XKR7: variants seen among roughly 807,000 people sequenced by gnomAD.
XKR7 encodes the protein XK related 7.
XKR7 carries 11 observed loss-of-function variants against 42.2 expected under a neutral mutation model. The ratio of observed to expected loss-of-function variants is 0.26; its 90% CI spans 0.16 to 0.43. The LOEUF is 0.43. Ranked by LOEUF, XKR7 falls within the 20% of genes least tolerant of loss-of-function variation. The pLI is 1.00. For synonymous variants in XKR7, 346 were observed against 366.4 expected (o/e 0.94, Z 0.64); for missense variants, 710 against 802.2 (o/e 0.89, Z 1.39).
intron 1 of XKR7, among the ~76,000 whole-genome samples, chr20:31,974,135 G>A (rs1418708471): frequency 1.3e-5 from 2 of 152,150 alleles, no homozygotes; most frequent in Admixed American, 6.5e-5. Flanking sequence ...GGAGGTTGCA[G>A]TGAGCCGAGA....
At position 31,968,279 on chromosome 20, in the gene XKR7, C is replaced by A. The variant is rs6061066; in HGVS notation, c.104C>A (p.Ala35Glu). 6 of 1,177,760 alleles carry A rather than the reference C, an allele frequency of 5.1e-6. No homozygotes were observed. Among genetic ancestry groups the A allele is most frequent in the African/African-American group, 3.2e-5 (2 of 62,190 alleles). 73.0% of individuals were successfully genotyped at this position (1,177,760 alleles called of 1,614,324 possible). Residue 35 changes from alanine (A) to glutamate (E), a missense_variant, in exon 1 of 3, where the codon GCG becomes GAG. Around this residue, in one of 2 missense-constraint regions of XKR7, gnomAD observed 708 missense variants for 786.2 expected, o/e 0.90. Coordinates refer to ENST00000562532, the MANE Select transcript of XKR7 (RefSeq NM_001011718.2). The surrounding 1 kb of genome is among the most constrained non-coding windows in gnomAD (Gnocchi z 4.5). Reference sequence around the variant, plus strand: ...GCCGGCGGGCGCGGGGAGGCGGCGGCGGCGGCCGGGCCCCCGGGGGTCGTC... The same window carrying A: ...GCCGGCGGGCGCGGGGAGGCGGCGGAGGCGGCCGGGCCCCCGGGGGTCGTC... Reference protein sequence around the residue: ...GSAGGRGEAAAAAGPPGVVGA... With the variant: ...GSAGGRGEAAEAAGPPGVVGA...
In XKR7 at chr20:31,997,074, T is replaced by C; in HGVS notation, c.1357T>C (p.Cys453Arg). ...CATGCTGGGTCCCCAGGCACCTGGT[T>C]GCATCTTCCGTAAGGCCTCAGAGCC... is the stretch of plus-strand genomic sequence containing the variant. The part of the protein sequence containing the change: ...GPMLGPQAPG[C>R]IFRKASEPCG... Residue 453 changes from cysteine (C) to arginine (R), a missense_variant, in exon 3 of 3, where the codon TGC becomes CGC. By Grantham distance (180) the Cys-to-Arg change is radical. Coordinates refer to ENST00000562532, the MANE Select transcript of XKR7 (RefSeq NM_001011718.2). 5.0e-6 allele frequency: 8 copies of C among 1,613,792 alleles called. No homozygotes were observed. The highest frequency in any genetic ancestry group is 6.8e-6 in the Non-Finnish European group (8 of 1,180,042).
chr20:31,989,300 G>A (rs1402302336), intron 1 of XKR7, among the ~76,000 whole-genome samples: 5 of 151,654 alleles, frequency 3.3e-5, no homozygotes, highest in African/African-American at 1.2e-4. Context: ...CATCTGGAGT[G>A]TCAGGAACAA....
At position 32,002,692 on chromosome 20, in the gene XKR7, C is replaced by G. The variant is rs749695138; in HGVS notation, c.*5235C>G. The stretch of plus-strand genomic sequence containing the variant: ...AATTCATTTTCCCATATTAAATTAA[C>G]TCAAGCTGAGCTTCTGATTGCAGAT... On this transcript the variant is annotated 3_prime_UTR_variant, in exon 3 of 3. Transcript: ENST00000562532. 3 of 152,208 alleles carry G rather than the reference C, an allele frequency of 2.0e-5. No individual in the cohort carries two copies. The highest frequency in any genetic ancestry group is 2.9e-5 in the Non-Finnish European group (2 of 68,052). The allele number at this position is 152,208 out of a possible 1,614,324, so 9.4% of individuals were successfully genotyped here. A position where few individuals can be genotyped will look rare whatever the true frequency, so the allele number is the denominator to read the frequency against.
At chr20:31,990,054 C>G (rs1321493554) in intron 1 of XKR7, among the ~76,000 whole-genome samples, 1 of 152,118 alleles carries the variant, frequency 6.6e-6, no homozygotes, top group Non-Finnish European at 1.5e-5. Flanking sequence ...ATAGGGTGGA[C>G]TTCCTAGAGG....
Position 31,995,946 on chromosome 20 carries a change from C to A in XKR7, c.788-559C>A, listed in dbSNP as rs1350931683. Among the ~76,000 whole-genome samples the A allele has an allele frequency of 6.6e-6, 1 of 151,404 alleles. No individual in the cohort carries two copies. The highest frequency in any genetic ancestry group is 2.4e-5 in the African/African-American group (1 of 41,116). On this transcript the variant is annotated intron_variant, in intron 2 of 2. Coordinates refer to ENST00000562532, the MANE Select transcript of XKR7 (RefSeq NM_001011718.2). This position sits in a 1 kb window ranked among gnomAD's most constrained non-coding sequence, Gnocchi z 4.1. The stretch of plus-strand genomic sequence containing the variant: ...CAGTGTCCCAAAAGACTATCACCAC[C>A]CCTCATGGCCCTGGGGACCCCTTGC...
chr20:31,985,257 G>A (rs1466697404), intron 1 of XKR7, among the ~76,000 whole-genome samples: 3 of 152,128 alleles, frequency 2.0e-5, no homozygotes, highest in African/African-American at 7.2e-5. Context: ...GCCAGCATGA[G>A]GGTGGTTCCT....
rs756211376 is a variant in XKR7 at position 31,968,442 on chromosome 20, C to T, written c.267C>T (p.Tyr89=). 4.3e-6 allele frequency: 7 copies of T among 1,614,050 alleles called. No individual in the cohort carries two copies. The Admixed American group carries it at 8.3e-5, about 19-fold the overall frequency. ...ASYYLQNQHT[Y]FSLTLLFVLL... ...ACTACCTGCAGAATCAACACACCTA[C>T]TTCAGCCTCACCTTGCTGTTCGTGC... The change falls in exon 1 of 3, where the codon TAC becomes TAT. Residue 89 remains tyrosine (Y), a synonymous_variant. Transcript: ENST00000562532. This position sits in a 1 kb window ranked among gnomAD's most constrained non-coding sequence, Gnocchi z 4.5.
At chr20:31,970,864 AC>A (rs2064462130) in intron 1 of XKR7, 1 of 151,946 alleles carries the variant, frequency 6.6e-6, no homozygotes, top group African/African-American at 2.4e-5. Flanking sequence ...TATTTCCTGT[AC>A]CCCTTCTAAT....
intron 1 of XKR7, among the ~76,000 whole-genome samples, chr20:31,974,797 T>A (rs6061069): frequency 6.6e-6 from 1 of 152,008 alleles, no homozygotes; most frequent in African/African-American, 2.4e-5. Context: ...TTGATTACAG[T>A]CCCCTGAACT....
rs1020895060 is a variant in XKR7, at chr20:31,971,221, G to A, written c.584+2462G>A. Reference sequence around the variant, plus strand: ...GTATTGTGGGGAAAAGGCTGGATTCGGGGGTGGTCTGGTCAGGAGGCTGAC... The same window carrying A: ...GTATTGTGGGGAAAAGGCTGGATTCAGGGGTGGTCTGGTCAGGAGGCTGAC... On this transcript the variant is annotated intron_variant, in intron 1 of 2. Coordinates refer to ENST00000562532, the MANE Select transcript of XKR7 (RefSeq NM_001011718.2). 5.3e-5 allele frequency among the ~76,000 whole-genome samples: 8 copies of A among 152,216 alleles called. No homozygotes were observed. In the East Asian group the frequency reaches 9.6e-4, roughly 18 times the overall value.
At chr20:31,983,225 A>G (rs528682568) in intron 1 of XKR7, among the ~76,000 whole-genome samples, 1 of 152,372 alleles carries the variant, frequency 6.6e-6, no homozygotes, top group East Asian at 1.9e-4. Context: ...AGCAGAGGAC[A>G]CCATAAACAT....
At chr20:31,992,334 G>C (rs2064573792) in intron 1 of XKR7, among the ~76,000 whole-genome samples, 1 of 152,204 alleles carries the variant, frequency 6.6e-6, no homozygotes, top group Non-Finnish European at 1.5e-5. Context: ...GGATCCTTAT[G>C]TGTGGGGTAA....
intron 1 of XKR7, among the ~76,000 whole-genome samples, chr20:31,977,457 C>A (rs1213794572): frequency 6.6e-6 from 1 of 152,170 alleles, no homozygotes; most frequent in African/African-American, 2.4e-5. Flanking sequence ...GTTGCTCCAC[C>A]AGCCACAGCT....
In XKR7 at chr20:31,996,929, C is replaced by A. The variant is rs765469064; in HGVS notation, c.1212C>A (p.Ser404=). ...ENAALTGFWY[S]SRNFSTDFYS... ...CCGCGCTCACCGGCTTCTGGTACTC[C>A]AGCCGCAACTTCTCAACCGACTTCT... The change falls in exon 3 of 3, where the codon TCC becomes TCA. Residue 404 remains serine (S), a synonymous_variant. Transcript: ENST00000562532. 5.0e-6 allele frequency: 8 copies of A among 1,613,956 alleles called. No individual in the cohort carries two copies. In the African/African-American group the frequency reaches 1.1e-4, roughly 22 times the overall value.
In XKR7 at chr20:31,995,181, T is replaced by C; in HGVS notation, c.698T>C (p.Leu233Ser). 1 of 1,550,064 alleles carries C rather than the reference T, an allele frequency of 6.5e-7. No individual in the cohort carries two copies. Among genetic ancestry groups the C allele is most frequent in the Non-Finnish European group, 8.7e-7 (1 of 1,147,062 alleles). Residue 233 changes from leucine (L) to serine (S), a missense_variant, in exon 2 of 3, where the codon TTG becomes TCG. By Grantham distance (145) the Leu-to-Ser change is moderately radical. Transcript: ENST00000562532. The surrounding 1 kb of genome is among the most constrained non-coding windows in gnomAD (Gnocchi z 4.1). ...AGCGCCGACGTGAGCATGCTGCGCT[T>C]GCTGGAGACCTTCCTGCGCAGCGCG... ...FESADVSMLR[L>S]LETFLRSAPQ...
Position 31,995,010 on chromosome 20 carries a change from T to C in XKR7, c.585-58T>C. 6.5e-7 allele frequency: 1 copy of C among 1,534,586 alleles called. No homozygotes were observed. Among genetic ancestry groups the C allele is most frequent in the Non-Finnish European group, 8.7e-7 (1 of 1,144,492 alleles). On this transcript the variant is annotated intron_variant, in intron 1 of 2. Transcript: ENST00000562532. This position sits in a 1 kb window ranked among gnomAD's most constrained non-coding sequence, Gnocchi z 4.1. Reference sequence around the variant, plus strand: ...GCGCCTGTGGGCGGCTCGGGGCTGGTGCGACAGAGCGAGAGGAACCAGCGC... The same window carrying C: ...GCGCCTGTGGGCGGCTCGGGGCTGGCGCGACAGAGCGAGAGGAACCAGCGC...
chr20:31,973,889 G>A (rs1364949389), intron 1 of XKR7, among the ~76,000 whole-genome samples: 1 of 152,164 alleles, frequency 6.6e-6, no homozygotes, highest in Non-Finnish European at 1.5e-5. Context: ...CACTCTGGCT[G>A]CTGGGTGGGG....
chr20:31,993,111 C>CACACACACACACAT (rs144007726), intron 1 of XKR7, among the ~76,000 whole-genome samples: 211 of 150,688 alleles, frequency 1.4e-3, no homozygotes, highest in African/African-American at 5.0e-3. Flanking sequence ...CACACACACA[C>CACACACACACACAT]ACACATACAC....
Sources: gnomAD v4.1 joint callset for allele counts (sites outside exome capture counted in the v4.1 genomes callset) on GRCh38, gnomAD v4.1.1 for gene constraint, gnomAD v4.1.1 regional missense constraint, Gnocchi (gnomAD v3.1) non-coding constraint, MANE v1.5 for transcripts, NCBI Gene and HGNC (gene_info 2026-07-23, HGNC 2026-07-21) for gene names.